Variants in HSPG2 observed in about 807,000 individuals in gnomAD.
HSPG2 encodes heparan sulfate proteoglycan 2, also known as basement membrane-specific heparan sulfate proteoglycan core protein.
Under a neutral mutation model 526.6 loss-of-function variants are expected in HSPG2, and 278 were observed. The ratio of observed to expected loss-of-function variants is 0.53; its 90% confidence interval spans 0.48 to 0.58. The LOEUF is 0.58. Ranked by LOEUF, HSPG2 falls within the 20% of genes least tolerant of loss-of-function variation. The pLI is 0.00. For missense variants in HSPG2, 5,354 were observed against 6,099.5 expected (o/e 0.88, Z 4.07); for synonymous variants, 2,465 against 2,555.4 (o/e 0.96, Z 1.07).
At position 21,833,456 on chromosome 1, in the gene HSPG2, T is replaced by G. The variant is rs1365181278; in HGVS notation, c.10978+11A>C. The G allele has an allele frequency of 6.2e-7, 1 of 1,614,036 alleles. No individual in the cohort carries two copies. The highest frequency in any genetic ancestry group is 1.7e-5 in the Admixed American group (1 of 60,006). On this transcript the variant is annotated intron_variant, in intron 79 of 96. Transcript: ENST00000374695. Reference sequence around the variant, plus strand: ...GCAGGGCACTGCCAATTCTTAGGGGTGGTGTCTTACCTGGCACCTGCAGGT... The same window carrying G: ...GCAGGGCACTGCCAATTCTTAGGGGGGGTGTCTTACCTGGCACCTGCAGGT...
At position 21,848,021 on chromosome 1, in the gene HSPG2, T is replaced by C. The variant is rs1348408158; in HGVS notation, c.7810A>G (p.Asn2604Asp). 4 of 1,613,592 alleles carry C rather than the reference T, an allele frequency of 2.5e-6. No individual in the cohort carries two copies. In the East Asian group the frequency reaches 8.9e-5, roughly 36 times the overall value. The change falls in exon 60 of 97, where the codon AAC (asparagine) becomes GAC (aspartate). Residue 2604 changes from asparagine to aspartate, a missense_variant. Physicochemically the swap from Asn to Asp is conservative, Grantham distance 23. Transcript: ENST00000374695. This position sits in a 1 kb window ranked among gnomAD's most constrained non-coding sequence, Gnocchi z 4.9. ...GAGGTCTCCCGGGAGCCTGCACCGT[T>C]ACTGACGTGACACACGTACTCGCCC... ...DSGEYVCHVS[N>D]GAGSRETSLI...
rs137853248 is a variant in HSPG2, at chr1:21,864,874, C to T, written c.4595G>A (p.Cys1532Tyr). ...PRALEVEECR[C>Y]PPGYIGLSCQ... is the part of the protein sequence containing the mutation. ...GGACAGACCGATGTAGCCTGGCGGG[C>T]AGCGGCACTCCTCCACCTCGAGGGC... The change falls in exon 36 of 97, where the codon TGC becomes TAC. Residue 1532 changes from cysteine (C) to tyrosine (Y), a missense_variant. By Grantham distance (194) the Cys-to-Tyr change is radical (BLOSUM62 -2). Coordinates refer to ENST00000374695, the MANE Select transcript of HSPG2 (RefSeq NM_005529.7). The surrounding 1 kb of genome is among the most constrained non-coding windows in gnomAD (Gnocchi z 4.8). The T allele has an allele frequency of 1.2e-6, 2 of 1,610,730 alleles. No homozygotes were observed. The highest frequency in any genetic ancestry group is 1.7e-6 in the Non-Finnish European group (2 of 1,179,416).
intron 81 of HSPG2, 27 bp from the exon 82 acceptor site, chr1:21,831,823 G>T: frequency 6.3e-7 from 1 of 1,579,052 alleles, no homozygotes; most frequent in South Asian, 1.2e-5. Flanking sequence ...GCCGGGGCAG[G>T]AGAGAGTGGA....
intron 37 of HSPG2, among the ~76,000 whole-genome samples, 187 bp from the exon 38 acceptor site, chr1:21,862,302 G>T (rs1361392473): frequency 6.6e-6 from 1 of 152,140 alleles, no homozygotes; most frequent in Non-Finnish European, 1.5e-5. Context: ...AAGCAAAATG[G>T]GCTGGGCACA....
At position 21,824,165 on chromosome 1, in the gene HSPG2, C is replaced by T. The variant is rs745491336; in HGVS notation, c.12855G>A (p.Glu4285=). ...LGSGEARLVS[E]DPINDGEWHR... ...GCCACTCGCCGTCATTGATGGGGTCCTCAGAGACCAGGCGGGCCTCCCCAC... is the reference window on the plus strand; with the variant it reads ...GCCACTCGCCGTCATTGATGGGGTCTTCAGAGACCAGGCGGGCCTCCCCAC... The change falls in exon 95 of 97, where the codon GAG becomes GAA. Residue 4285 remains glutamate, a synonymous_variant. Transcript: ENST00000374695. This position sits in a 1 kb window ranked among gnomAD's most constrained non-coding sequence, Gnocchi z 5.9. 1.2e-6 allele frequency: 2 copies of T among 1,613,760 alleles called. No individual in the cohort carries two copies. The highest frequency in any genetic ancestry group is 4.5e-5 in the East Asian group (2 of 44,878).
chr1:21,823,511 G>A (rs757002823), intron 96 of HSPG2, 23 bp from the exon 97 acceptor site: 3 of 1,607,552 alleles, frequency 1.9e-6, no homozygotes, highest in East Asian at 2.2e-5. Context: ...GAGAGGACAG[G>A]GCCTGTGGGC....
Position 21,890,050 on chromosome 1 carries a change from T to C in HSPG2, c.505A>G (p.Ile169Val), listed in dbSNP as rs752362784. ...AQIQEMLLRV[I>V]SSGSVASYVT... The stretch of plus-strand genomic sequence containing the variant: ...TAGGAGGCCACAGAGCCGCTGGAGA[T>C]GACCCTGAGCAGCATCTCCTGAATC... Residue 169 changes from isoleucine to valine, a missense_variant, in exon 6 of 97, where the codon ATC (isoleucine) becomes GTC (valine). Transcript: ENST00000374695. The surrounding 1 kb of genome is among the most constrained non-coding windows in gnomAD (Gnocchi z 4.1). The C allele has an allele frequency of 5.6e-6, 9 of 1,613,822 alleles. No individual in the cohort carries two copies. In the South Asian group the frequency reaches 6.6e-5, roughly 12 times the overall value.
rs933870666 is a variant in HSPG2 at position 21,872,536 on chromosome 1, G to A, written c.4029+84C>T. 4 of 1,507,460 alleles carry A rather than the reference G, an allele frequency of 2.7e-6. No individual in the cohort carries two copies. The highest frequency in any genetic ancestry group is 2.8e-5 in the African/African-American group (2 of 72,256). The allele number at this position is 1,507,460 out of a possible 1,614,324, so 93.4% of individuals were successfully genotyped here. A position where few individuals can be genotyped will look rare whatever the true frequency, so the allele number is the denominator to read the frequency against. ...TGTGAGGGTACTGAGGCGGGGATGA[G>A]GGTCGCTGGGCTCAGTGCTCAGATG... On this transcript the variant is annotated intron_variant, in intron 32 of 96. Transcript: ENST00000374695. The surrounding 1 kb of genome is among the most constrained non-coding windows in gnomAD (Gnocchi z 5.5).
intron 1 of HSPG2, among the ~76,000 whole-genome samples, chr1:21,912,605 C>G (rs190135726): frequency 6.6e-6 from 1 of 152,306 alleles, no homozygotes; most frequent in African/African-American, 2.4e-5. Flanking sequence ...GGTTCAATCC[C>G]ATCTCTGACA....
chr1:21,880,470 G>T lies in HSPG2; in HGVS notation c.2088C>A (p.Thr696=). 1 of 1,613,864 alleles carries T rather than the reference G, an allele frequency of 6.2e-7. No homozygotes were observed. The highest frequency in any genetic ancestry group is 1.1e-5 in the South Asian group (1 of 91,072). Residue 696 remains threonine, a synonymous_variant, in exon 16 of 97, where the codon ACC becomes ACA. Coordinates refer to ENST00000374695, the MANE Select transcript of HSPG2 (RefSeq NM_005529.7). ...LQSLEAVLIQ[T]VYNTKMASVG... The stretch of plus-strand genomic sequence containing the variant: ...CGCTGGCCATCTTGGTGTTGTACAC[G>T]GTCTGGATGAGCACGGCCTCCAGGC...
chr1:21,889,439 G>C (rs1166934570), intron 6 of HSPG2, among the ~76,000 whole-genome samples: 2 of 152,316 alleles, frequency 1.3e-5, no homozygotes, highest in Non-Finnish European at 2.9e-5. Flanking sequence ...AGTTTCTCCT[G>C]CTTCTGTCAT....
At chr1:21,892,538 G>C (rs114798515) in intron 3 of HSPG2, among the ~76,000 whole-genome samples, 3,429 of 152,330 alleles carry the variant, frequency 0.023, 146 homozygotes, top group African/African-American at 0.078. Flanking sequence ...TGCAGCTGGT[G>C]CCTGAGCACT....
intron 1 of HSPG2, among the ~76,000 whole-genome samples, chr1:21,934,637 C>A (rs922041206): frequency 6.6e-6 from 1 of 152,036 alleles, no homozygotes; most frequent in East Asian, 1.9e-4. Context: ...GCTCTGTCGC[C>A]CAGGCTGGAG....
At chr1:21,875,098 C>T (rs1342887434) in intron 25 of HSPG2, 96 bp from the exon 26 acceptor site, 13 of 906,790 alleles carry the variant, frequency 1.4e-5, no homozygotes, top group Middle Eastern at 2.2e-4. Flanking sequence ...GTCCTCCCGA[C>T]AGCCCTGTCA....
At chr1:21,894,560 A>G (rs1642610137) in intron 3 of HSPG2, among the ~76,000 whole-genome samples, 1 of 152,110 alleles carries the variant, frequency 6.6e-6, no homozygotes, top group Admixed American at 6.5e-5. Flanking sequence ...TGGGCCCCCT[A>G]CAGCTGCTGT....
rs572876210 is a variant in HSPG2 at position 21,878,568 on chromosome 1, C to T, written c.2558+9G>A. ...CCCCCTTCCTGCAGCCCCCAAGGCT[C>T]TCCCTCACCTCTCACAGCGGCGGCC... On this transcript the variant is annotated intron_variant, in intron 19 of 96. Coordinates refer to ENST00000374695, the MANE Select transcript of HSPG2 (RefSeq NM_005529.7). 4.3e-6 allele frequency: 7 copies of T among 1,614,146 alleles called. No homozygotes were observed. In the Admixed American group the frequency reaches 8.3e-5, roughly 19 times the overall value.
Position 21,893,357 on chromosome 1 carries a change from C to T in HSPG2, c.244+2565G>A, listed in dbSNP as rs111710058. 1.9e-3 allele frequency among the ~76,000 whole-genome samples: 297 copies of T among 152,308 alleles called. 1 individual carries two copies. Among genetic ancestry groups the T allele is most frequent in the Non-Finnish European group, 3.6e-3 (242 of 68,014 alleles). ...GGGTTCCAGCCCACTGTGTTTAGAT[C>T]TGTGGGCCCAGGGTGGGCCTGGCTG... On this transcript the variant is annotated intron_variant, in intron 3 of 96. Coordinates refer to ENST00000374695, the MANE Select transcript of HSPG2 (RefSeq NM_005529.7). The surrounding 1 kb of genome is among the most constrained non-coding windows in gnomAD (Gnocchi z 4.3).
chr1:21,883,137 A>C (rs969969075), intron 13 of HSPG2, among the ~76,000 whole-genome samples: 6 of 152,112 alleles, frequency 3.9e-5, no homozygotes, highest in African/African-American at 1.2e-4. Flanking sequence ...GAAGCCCCAC[A>C]ACATCTCAGA....
chr1:21,848,817 A>T lies in HSPG2; in HGVS notation c.7586-23T>A. The T allele has an allele frequency of 6.2e-7, 1 of 1,613,352 alleles. No individual in the cohort carries two copies. Among genetic ancestry groups the T allele is most frequent in the Non-Finnish European group, 8.5e-7 (1 of 1,179,932 alleles). On this transcript the variant is annotated intron_variant, in intron 58 of 96. Coordinates refer to ENST00000374695, the MANE Select transcript of HSPG2 (RefSeq NM_005529.7). The surrounding 1 kb of genome is among the most constrained non-coding windows in gnomAD (Gnocchi z 4.9). ...GGGCTGGGAGGGTGAGATGTAAGGC[A>T]GGGTGTGGGAGCTGCTGAGGGTGCA...
Sources: gnomAD v4.1 joint callset for allele counts (sites outside exome capture counted in the v4.1 genomes callset) on GRCh38, gnomAD v4.1.1 for gene constraint, Gnocchi (gnomAD v3.1) non-coding constraint, MANE v1.5 for transcripts, NCBI Gene and HGNC (gene_info 2026-07-23, HGNC 2026-07-21) for gene names.